Variants in LMOD3 observed in about 807,000 individuals in gnomAD.
The protein encoded by LMOD3 is leiomodin 3.
Under a neutral mutation model 41.8 loss-of-function variants are expected in LMOD3, and 31 were observed. The ratio of observed to expected loss-of-function variants is 0.74; its 90% confidence interval spans 0.56 to 1.00. The LOEUF (loss-of-function observed/expected upper bound fraction) is 1.00. Among genes scored for constraint, LMOD3 ranks in the 50% least tolerant of loss-of-function variants. The probability of loss-of-function intolerance (pLI) is 0.00; values close to 1 mark genes in which losing one functional copy is unlikely to be tolerated. For missense variants in LMOD3, 755 were observed against 679.5 expected, an observed-to-expected ratio of 1.11 and a Z score of -1.23; for synonymous variants, 292 against 241.9, an observed-to-expected ratio of 1.21 and a Z score of -1.92.
chr3:69,112,129 T>C (rs59090383), intron 2 of LMOD3, among the ~76,000 whole-genome samples: 5,366 of 152,196 alleles, frequency 0.035, 310 homozygotes, highest in East Asian at 0.26. Context: ...CAGAAGAAAA[T>C]CAACTTGTGT....
rs1559657392 is a variant in LMOD3 at position 69,109,008 on chromosome 3, A to C, written c.*87T>G. On this transcript the variant is annotated 3_prime_UTR_variant, in exon 3 of 3. Coordinates refer to ENST00000420581, the MANE Select transcript of LMOD3 (RefSeq NM_198271.5). ...TTTCCAGTTCTGCCACGTGGATCCT[A>C]AAGTATTGCTGCTGACATAGTCTCC... 2 of 1,184,932 alleles carry C rather than the reference A, an allele frequency of 1.7e-6. No homozygotes were observed. Among genetic ancestry groups the C allele is most frequent in the South Asian group, 2.7e-5 (2 of 74,700 alleles). The allele number at this position is 1,184,932 out of a possible 1,614,324, so 73.4% of individuals were successfully genotyped here. A position where few individuals can be genotyped will look rare whatever the true frequency, so the allele number is the denominator to read the frequency against.
In LMOD3 at chr3:69,107,377, TATG is replaced by T; in HGVS notation, c.*1715_*1717del. 6.8e-6 allele frequency: 1 copy of T among 147,884 alleles called. No individual in the cohort carries two copies. The highest frequency in any genetic ancestry group is 2.2e-4 in the South Asian group (1 of 4,574). 9.2% of individuals were successfully genotyped at this position (147,884 alleles called of 1,614,324 possible). Reference sequence around the variant, plus strand: ...CCTGTTTGGTTTGATACATGCCACTTATGATAACATAAAAGGAGAAAGAAGGCA... The same window carrying T: ...CCTGTTTGGTTTGATACATGCCACTTATAACATAAAAGGAGAAAGAAGGCA... On this transcript the variant is annotated 3_prime_UTR_variant, in exon 3 of 3. Transcript: ENST00000420581.
At position 69,108,901 on chromosome 3, in the gene LMOD3, T is replaced by G. The variant is rs1026475115; in HGVS notation, c.*194A>C. 1.5e-5 allele frequency: 7 copies of G among 473,510 alleles called. No individual in the cohort carries two copies. Among genetic ancestry groups the G allele is most frequent in the Non-Finnish European group, 2.6e-5 (7 of 268,102 alleles). The allele number at this position is 473,510 out of a possible 1,614,324, so 29.3% of individuals were successfully genotyped here. ...CTCTAAATATTATATTTTATCTCCT[T>G]CCACCTTCCTCTTCAGCCCCTACTT... On this transcript the variant is annotated 3_prime_UTR_variant, in exon 3 of 3. Coordinates refer to ENST00000420581, the MANE Select transcript of LMOD3 (RefSeq NM_198271.5).
Position 69,119,128 on chromosome 3 carries a change from T to C in LMOD3, c.1227A>G (p.Gln409=). ...QKRQEEQKQQ[Q]LKEQKKLIAM... ...CTATCAGCTTCTTCTGTTCCTTGAG[T>C]TGCTGCTGTTTTTGCTCTTCCTGTC... is the stretch of plus-strand genomic sequence containing the variant. Residue 409 remains glutamine, a synonymous_variant, in exon 2 of 3, where the codon CAA becomes CAG. Coordinates refer to ENST00000420581, the MANE Select transcript of LMOD3 (RefSeq NM_198271.5). The C allele has an allele frequency of 6.2e-7, 1 of 1,613,754 alleles. No homozygotes were observed.
chr3:69,116,463 G>A (rs553372006), intron 2 of LMOD3, among the ~76,000 whole-genome samples: 1 of 152,306 alleles, frequency 6.6e-6, no homozygotes, highest in East Asian at 1.9e-4. Context: ...TTTGCGGCAT[G>A]TTTTTCTTGA....
chr3:69,118,687 CCTT>C lies in LMOD3; in HGVS notation c.1656+9_1656+11del, dbSNP rs767138504. ...GGGTGCTCAGTCACCATTTCTCCCT[CCTT>C]CTACTTACAGGTTTAAGATAGGCGA... On this transcript the variant is annotated intron_variant, in intron 2 of 2. Transcript: ENST00000420581. The C allele has an allele frequency of 1.8e-5, 29 of 1,603,562 alleles. No homozygotes were observed. Among genetic ancestry groups the C allele is most frequent in the African/African-American group, 4.0e-5 (3 of 74,442 alleles).
At chr3:69,118,220 T>C (rs2092385945) in intron 2 of LMOD3, among the ~76,000 whole-genome samples, 1 of 152,174 alleles carries the variant, frequency 6.6e-6, no homozygotes, top group Non-Finnish European at 1.5e-5. Context: ...CTTTTGAATA[T>C]GCACTTGAAG....
Position 69,119,374 on chromosome 3 carries a change from A to G in LMOD3, c.981T>C (p.Ile327=), listed in dbSNP as rs775361286. Residue 327 remains isoleucine, a synonymous_variant, in exon 2 of 3, where the codon ATT becomes ATC. Coordinates refer to ENST00000420581, the MANE Select transcript of LMOD3 (RefSeq NM_198271.5). ...IESNFITGKG[I]VAIMRCLQFN... ...ACTGGAGACACCTCATGATGGCCACAATCCCTTTACCTGTGATGAAATTGG... is the reference window on the plus strand; with the variant it reads ...ACTGGAGACACCTCATGATGGCCACGATCCCTTTACCTGTGATGAAATTGG... 6.2e-6 allele frequency: 10 copies of G among 1,613,996 alleles called. No homozygotes were observed. Among genetic ancestry groups the G allele is most frequent in the Admixed American group, 1.7e-5 (1 of 60,018 alleles).
chr3:69,117,954 C>T (rs1330836144), intron 2 of LMOD3, among the ~76,000 whole-genome samples: 4 of 152,026 alleles, frequency 2.6e-5, no homozygotes, highest in African/African-American at 7.2e-5. Context: ...GCCTCAGCCT[C>T]CTGAGTAGCT....
Position 69,118,775 on chromosome 3 carries a change from G to T in LMOD3, c.1580C>A (p.Pro527His). 3 of 1,611,994 alleles carry T rather than the reference G, an allele frequency of 1.9e-6. No homozygotes were observed. Among genetic ancestry groups the T allele is most frequent in the Non-Finnish European group, 2.5e-6 (3 of 1,179,438 alleles). Residue 527 changes from proline (P) to histidine (H), a missense_variant, in exon 2 of 3, where the codon CCC becomes CAC. Coordinates refer to ENST00000420581, the MANE Select transcript of LMOD3 (RefSeq NM_198271.5). Reference sequence around the variant, plus strand: ...TCTGGGAGTGATTTCCACCAATGGGGGTGGCCTGTTTCTCGGCACTGGCTT... The same window carrying T: ...TCTGGGAGTGATTTCCACCAATGGGTGTGGCCTGTTTCTCGGCACTGGCTT... The part of the protein sequence containing the change: ...TLKPVPRNRP[P>H]PLVEITPRDQ...
chr3:69,122,215 T>C lies in LMOD3; in HGVS notation c.172A>G (p.Thr58Ala). 6.2e-7 allele frequency: 1 copy of C among 1,613,640 alleles called. No homozygotes were observed. Among genetic ancestry groups the C allele is most frequent in the Non-Finnish European group, 8.5e-7 (1 of 1,179,770 alleles). The change falls in exon 1 of 3, where the codon ACT becomes GCT. Residue 58 changes from threonine to alanine, a missense_variant. By Grantham distance (58) the Thr-to-Ala change is moderately conservative. Transcript: ENST00000420581. ...LPVGMIQKDQ[T>A]DKPPTGNFNH... ...AAGTTTCCTGTCGGTGGCTTGTCAG[T>C]TTGATCTTTCTGAATCATTCCCACG... is the stretch of plus-strand genomic sequence containing the variant.
In LMOD3 at chr3:69,122,432, G is replaced by T. The variant is rs1397453045; in HGVS notation, c.-46C>A. The T allele has an allele frequency of 8.7e-6, 12 of 1,373,562 alleles. No individual in the cohort carries two copies. Among genetic ancestry groups the T allele is most frequent in the Non-Finnish European group, 1.2e-5 (12 of 1,018,750 alleles). 85.1% of individuals were successfully genotyped at this position (1,373,562 alleles called of 1,614,324 possible). Reference sequence around the variant, plus strand: ...TTACTAGAAAAGAAGAATAATCAAAGATGATTTTTAAAAAGAAGGAAAAAA... The same window carrying T: ...TTACTAGAAAAGAAGAATAATCAAATATGATTTTTAAAAAGAAGGAAAAAA... On this transcript the variant is annotated 5_prime_UTR_variant, in exon 1 of 3. Transcript: ENST00000420581.
intron 2 of LMOD3, among the ~76,000 whole-genome samples, chr3:69,112,912 C>A (rs2092356081): frequency 6.6e-6 from 1 of 152,046 alleles, no homozygotes; most frequent in African/African-American, 2.4e-5. Flanking sequence ...TATAAAAAAC[C>A]TTTTTTCCCA....
Position 69,122,375 on chromosome 3 carries a change from G to A in LMOD3, c.12C>T (p.His4=), listed in dbSNP as rs2092413118. 6 of 1,598,872 alleles carry A rather than the reference G, an allele frequency of 3.8e-6. No homozygotes were observed. The highest frequency in any genetic ancestry group is 4.3e-6 in the Non-Finnish European group (5 of 1,168,590). The change falls in exon 1 of 3, where the codon CAC becomes CAT. Residue 4 remains histidine, a synonymous_variant. Coordinates refer to ENST00000420581, the MANE Select transcript of LMOD3 (RefSeq NM_198271.5). ...GTTCTTCTTGATCTGAATTTCTGCT[G>A]TGCTCTGACATTATTTTTTCTAAAT... MSE[H]SRNSDQEELL...
intron 2 of LMOD3, among the ~76,000 whole-genome samples, chr3:69,114,898 C>T (rs2092364506): frequency 3.9e-5 from 6 of 152,198 alleles, no homozygotes; most frequent in Admixed American, 2.6e-4. Flanking sequence ...CAGGGTCTCA[C>T]TCTGTTGCCC....
chr3:69,110,853 A>AAAAAAAAAAAAAAAAAAT (rs1458630453), intron 2 of LMOD3, among the ~76,000 whole-genome samples: 4 of 104,168 alleles, frequency 3.8e-5, no homozygotes, highest in Admixed American at 1.9e-4. Context: ...AAAAAAAAAA[A>AAAAAAAAAAAAAAAAAAT]ATATATATAT....
At chr3:69,110,838 C>CAA (rs774402446) in intron 2 of LMOD3, among the ~76,000 whole-genome samples, 890 of 66,868 alleles carry the variant, frequency 0.013, 21 homozygotes, top group East Asian at 0.025. Flanking sequence ...GACACCATCT[C>CAA]AAAAAAAAAA....
intron 2 of LMOD3, among the ~76,000 whole-genome samples, chr3:69,111,802 T>A (rs985013088): frequency 6.6e-6 from 1 of 152,182 alleles, no homozygotes; most frequent in Non-Finnish European, 1.5e-5. Flanking sequence ...CAGACACATA[T>A]TTACTTTAAA....
chr3:69,109,207 C>T (rs2092337099), intron 2 of LMOD3, 86 bp from the exon 3 acceptor site: 1 of 1,236,728 alleles, frequency 8.1e-7, no homozygotes, highest in Non-Finnish European at 1.2e-6. Flanking sequence ...ATTTACATGC[C>T]TTAAAAGATA....
Sources: allele counts gnomAD v4.1 joint callset (sites outside exome capture counted in the v4.1 genomes callset), GRCh38; gene constraint gnomAD v4.1.1; transcripts MANE v1.5; gene names NCBI Gene and HGNC (gene_info 2026-07-23, HGNC 2026-07-21).